PLA1A: variants seen among roughly 807,000 people sequenced by gnomAD.
PLA1A encodes the protein phosphatidylserine-specific phospholipase A1alpha.
A neutral mutation model predicts 49.4 loss-of-function variants in PLA1A; 47 were observed. The ratio of observed to expected loss-of-function variants is 0.95; its 90% CI spans 0.75 to 1.21. The LOEUF is 1.21. Ranked by LOEUF, PLA1A falls within the 50% of genes most tolerant of loss-of-function variation. The pLI, the probability that PLA1A is intolerant of heterozygous loss-of-function variation, is 0.00. For synonymous variants in PLA1A, 224 were observed against 207.9 expected (o/e 1.08, Z -0.67); for missense variants, 561 against 563.9 (o/e 0.99, Z 0.05).
In PLA1A at chr3:119,629,564, T is replaced by C; in HGVS notation, c.*96T>C. 1.4e-6 allele frequency: 1 copy of C among 730,546 alleles called. No individual in the cohort carries two copies. Among genetic ancestry groups the C allele is most frequent in the Non-Finnish European group, 2.5e-6 (1 of 406,180 alleles). The allele number at this position is 730,546 out of a possible 1,614,324, so 45.3% of individuals were successfully genotyped here. On this transcript the variant is annotated 3_prime_UTR_variant, in exon 11 of 11. Transcript: ENST00000273371. ...TGTGTGTGCAGCTTATTGTAGACCA[T>C]TACTACTAAGGAGAAAAGCAAAGCT...
intron 2 of PLA1A, among the ~76,000 whole-genome samples, chr3:119,607,767 G>T (rs1210688655): frequency 6.6e-6 from 1 of 152,124 alleles, no homozygotes; most frequent in Admixed American, 6.6e-5. Context: ...CACTTTCCAA[G>T]GCTGAGTGTG....
In PLA1A at chr3:119,628,688, C is replaced by T; in HGVS notation, c.1122-13C>T. On this transcript the variant is annotated splice_polypyrimidine_tract_variant and intron_variant, in intron 9 of 10. Coordinates refer to ENST00000273371, the MANE Select transcript of PLA1A (RefSeq NM_015900.4). Reference sequence around the variant, plus strand: ...CTACAGTCATTTACTTTCCCTTTACCCTTTTCTTGCAGACCTAAGCAGCAA... The same window carrying T: ...CTACAGTCATTTACTTTCCCTTTACTCTTTTCTTGCAGACCTAAGCAGCAA... 6.2e-7 allele frequency: 1 copy of T among 1,613,544 alleles called. No homozygotes were observed. The highest frequency in any genetic ancestry group is 1.3e-5 in the African/African-American group (1 of 75,006).
intron 8 of PLA1A, among the ~76,000 whole-genome samples, chr3:119,624,196 C>T (rs539755964): frequency 1.6e-4 from 25 of 152,358 alleles, no homozygotes; most frequent in African/African-American, 5.1e-4. Flanking sequence ...GCACTTTCTG[C>T]TCCCAAGAAG....
At chr3:119,608,691 G>C (rs2082726445) in intron 2 of PLA1A, 79 bp from the exon 3 acceptor site, 1 of 1,085,780 alleles carries the variant, frequency 9.2e-7, no homozygotes, top group Non-Finnish European at 1.4e-6. Context: ...TTCTGGGTTT[G>C]AGATTAATAG....
chr3:119,608,298 A>G lies in PLA1A; in HGVS notation c.276-472A>G, dbSNP rs566900254. On this transcript the variant is annotated intron_variant, in intron 2 of 10. Transcript: ENST00000273371. ...AAAGAAAGAAAGAAAGAAAGAAAGA[A>G]AAAGAAAATGTCCACAAAGAAAGAG... is the stretch of plus-strand genomic sequence containing the variant. Among the ~76,000 whole-genome samples, 18 of 148,800 alleles carry G rather than the reference A, an allele frequency of 1.2e-4. No individual in the cohort carries two copies. In the East Asian group the frequency reaches 3.0e-3, roughly 25 times the overall value.
At chr3:119,599,355 C>T (rs934458167) in intron 1 of PLA1A, among the ~76,000 whole-genome samples, 2 of 152,004 alleles carry the variant, frequency 1.3e-5, no homozygotes, top group Non-Finnish European at 2.9e-5. Context: ...TGTCATGAGC[C>T]ACCTTGGAGA....
At chr3:119,627,968 T>C (rs1161803494) in intron 9 of PLA1A, among the ~76,000 whole-genome samples, 1 of 152,116 alleles carries the variant, frequency 6.6e-6, no homozygotes, top group East Asian at 1.9e-4. Context: ...TTTGTCTCAG[T>C]CCAAAGTGGT....
intron 1 of PLA1A, among the ~76,000 whole-genome samples, chr3:119,599,917 G>A (rs968280775): frequency 6.6e-6 from 1 of 152,046 alleles, no homozygotes; most frequent in Non-Finnish European, 1.5e-5. Context: ...ACTTTTAGTA[G>A]TGCTGTCTCA....
chr3:119,624,007 G>A lies in PLA1A; in HGVS notation c.1013-1117G>A, dbSNP rs528961699. On this transcript the variant is annotated intron_variant, in intron 8 of 10. Coordinates refer to ENST00000273371, the MANE Select transcript of PLA1A (RefSeq NM_015900.4). ...CCCAAAGTGCTGCGATTACAGGAGTGAGCCACCACGCCTGACCTTATGAGT... is the reference window on the plus strand; with the variant it reads ...CCCAAAGTGCTGCGATTACAGGAGTAAGCCACCACGCCTGACCTTATGAGT... Among the ~76,000 whole-genome samples, 28 of 152,262 alleles carry A rather than the reference G, an allele frequency of 1.8e-4. No individual in the cohort carries two copies. In the East Asian group the frequency reaches 5.2e-3, roughly 28 times the overall value.
chr3:119,613,916 C>T (rs951536306), intron 5 of PLA1A, among the ~76,000 whole-genome samples: 16 of 151,970 alleles, frequency 1.1e-4, no homozygotes, highest in African/African-American at 2.9e-4. Context: ...AAAAGAATCC[C>T]TTTTCCAATA....
rs141896264 is a variant in PLA1A at position 119,599,973 on chromosome 3, C to CGT, written c.73+2003_73+2004dup. On this transcript the variant is annotated intron_variant, in intron 1 of 10. Transcript: ENST00000273371. ...ATAGGCAGAGATAGAAGTGTGTGTG[C>CGT]GTGTGTGTGTGTGTGTGGCTGGGAG... Among the ~76,000 whole-genome samples, 281 of 149,240 alleles carry CGT rather than the reference C, an allele frequency of 1.9e-3. 1 individual carries two copies. Among genetic ancestry groups the CGT allele is most frequent in the African/African-American group, 5.4e-3 (221 of 40,862 alleles).
chr3:119,610,600 G>T (rs1425150374), intron 4 of PLA1A, among the ~76,000 whole-genome samples: 1 of 152,126 alleles, frequency 6.6e-6, no homozygotes, highest in Non-Finnish European at 1.5e-5. Context: ...TTAGCCACTT[G>T]TATGTCTTCT....
rs2082694229 is a variant in PLA1A at position 119,606,770 on chromosome 3, C to G, written c.74-4C>G. ...GTTGCTTGTTTTGTTTTGTTTTCCT[C>G]CAGGGGATGCACCTCCTACCCCACA... On this transcript the variant is annotated splice_region_variant and splice_polypyrimidine_tract_variant and intron_variant, in intron 1 of 10. Transcript: ENST00000273371. 6.2e-7 allele frequency: 1 copy of G among 1,612,176 alleles called. No homozygotes were observed. Among genetic ancestry groups the G allele is most frequent in the Admixed American group, 1.7e-5 (1 of 59,992 alleles).
intron 5 of PLA1A, among the ~76,000 whole-genome samples, chr3:119,615,649 T>C (rs1055440828): frequency 4.6e-5 from 7 of 151,628 alleles, no homozygotes; most frequent in African/African-American, 1.7e-4. Flanking sequence ...CTGTCTCTAC[T>C]AAAAAAACAC....
chr3:119,629,496 G>T lies in PLA1A; in HGVS notation c.*28G>T, dbSNP rs774749993. ...TAACCTGGGCAGGACACATCTCCCT[G>T]CATTTTTTTTTTTTTTTTGAGAGAG... On this transcript the variant is annotated 3_prime_UTR_variant, in exon 11 of 11. Coordinates refer to ENST00000273371, the MANE Select transcript of PLA1A (RefSeq NM_015900.4). 3 of 1,071,640 alleles carry T rather than the reference G, an allele frequency of 2.8e-6. No individual in the cohort carries two copies. The highest frequency in any genetic ancestry group is 1.5e-5 in the South Asian group (1 of 66,630). The allele number at this position is 1,071,640 out of a possible 1,614,324, so 66.4% of individuals were successfully genotyped here. A position where few individuals can be genotyped will look rare whatever the true frequency, so the allele number is the denominator to read the frequency against.
chr3:119,627,429 T>A (rs56197198), intron 9 of PLA1A, among the ~76,000 whole-genome samples: 29,099 of 152,160 alleles, frequency 0.19, 3,130 homozygotes, highest in East Asian at 0.47. Context: ...ATTCCCTCTG[T>A]AATATTTCAA....
rs1044057511 is a variant in PLA1A at position 119,625,338 on chromosome 3, A to G, written c.1121+106A>G. ...TCAGGGACTGTGTGATTGCTGATGC[A>G]TGGGCCCAGCCGGCTTGGCTGGGGG... On this transcript the variant is annotated intron_variant, in intron 9 of 10. Transcript: ENST00000273371. 20 of 724,852 alleles carry G rather than the reference A, an allele frequency of 2.8e-5. No individual in the cohort carries two copies. The East Asian group carries it at 4.1e-4, about 15-fold the overall frequency. 44.9% of individuals were successfully genotyped at this position (724,852 alleles called of 1,614,324 possible). A position where few individuals can be genotyped will look rare whatever the true frequency, so the allele number is the denominator to read the frequency against.
In PLA1A at chr3:119,611,480, C is replaced by T. The variant is rs144850074; in HGVS notation, c.563-1537C>T. On this transcript the variant is annotated intron_variant, in intron 4 of 10. Coordinates refer to ENST00000273371, the MANE Select transcript of PLA1A (RefSeq NM_015900.4). ...ACTGAATACTTTGGCAAATACTATGCAAAAAGCATAGAATACCTTTCCATT... is the reference window on the plus strand; with the variant it reads ...ACTGAATACTTTGGCAAATACTATGTAAAAAGCATAGAATACCTTTCCATT... Among the ~76,000 whole-genome samples, 680 of 152,060 alleles carry T rather than the reference C, an allele frequency of 4.5e-3. 1 individual carries two copies. The highest frequency in any genetic ancestry group is 0.016 in the African/African-American group (651 of 41,528).
chr3:119,615,956 C>A (rs991607121), intron 5 of PLA1A, 56 bp from the exon 6 acceptor site: 2 of 1,136,468 alleles, frequency 1.8e-6, no homozygotes, highest in African/African-American at 1.5e-5. Context: ...GTTTGAGGTC[C>A]GCTGTGAGCC....
Sources: allele counts gnomAD v4.1 joint callset (sites outside exome capture counted in the v4.1 genomes callset), GRCh38; gene constraint gnomAD v4.1.1; transcripts MANE v1.5; gene names NCBI Gene and HGNC (gene_info 2026-07-23, HGNC 2026-07-21).